The following RASSF8 variants were observed in gnomAD, a reference collection of about 807,000 sequenced individuals.
The protein encoded by RASSF8 is Ras association domain family member 8.
RASSF8 carries 22 observed loss-of-function variants against 48.5 expected under a neutral mutation model. That is an observed-to-expected ratio of 0.45 (90% CI 0.32 to 0.65). The LOEUF (loss-of-function observed/expected upper bound fraction) is 0.65, where lower values mean the gene tolerates loss of function less well. Ranked by LOEUF, RASSF8 falls within the 30% of genes least tolerant of loss-of-function variation. The pLI, the probability that RASSF8 is intolerant of heterozygous loss-of-function variation, is 0.03. For synonymous variants in RASSF8, 127 were observed against 171.5 expected, an observed-to-expected ratio of 0.74 and a Z score of 2.03; for missense variants, 418 against 489.2, an observed-to-expected ratio of 0.85 and a Z score of 1.37.
intron 1 of RASSF8, among the ~76,000 whole-genome samples, chr12:25,970,466 T>C (rs562804847): frequency 4.0e-4 from 61 of 152,332 alleles, no homozygotes; most frequent in Admixed American, 2.1e-3. Context: ...CCTGGACAGC[T>C]GAGGAAATTT....
intron 2 of RASSF8, among the ~76,000 whole-genome samples, chr12:26,052,126 G>A (rs7969796): frequency 2.6e-5 from 4 of 152,160 alleles, no homozygotes; most frequent in East Asian, 1.9e-4. Context: ...CACCCTGTGC[G>A]TATCCACAAA....
intron 2 of RASSF8, among the ~76,000 whole-genome samples, chr12:26,012,815 G>A (rs1431651672): frequency 6.6e-6 from 1 of 151,480 alleles, no homozygotes; most frequent in Non-Finnish European, 1.5e-5. Context: ...CATGTAGTTG[G>A]GACCACAGGC....
intron 1 of RASSF8, among the ~76,000 whole-genome samples, chr12:25,980,336 A>G (rs1941711018): frequency 6.6e-6 from 1 of 152,226 alleles, no homozygotes. Flanking sequence ...AATGCCATAT[A>G]TACAACAAAA....
intron 1 of RASSF8, among the ~76,000 whole-genome samples, chr12:25,969,722 C>G (rs1310423039): frequency 6.6e-6 from 1 of 152,110 alleles, no homozygotes; most frequent in Non-Finnish European, 1.5e-5. Context: ...TGTCTGCTCC[C>G]TCTTGAACAG....
chr12:26,073,849 C>CACACACACATAT (rs35014279), downstream of RASSF8, among the ~76,000 whole-genome samples: 1,412 of 144,156 alleles, frequency 9.8e-3, 31 homozygotes, highest in African/African-American at 0.03. Context: ...CACACACACA[C>CACACACACATAT]ATATATATAT....
At position 26,064,580 on chromosome 12, in the gene RASSF8, C is replaced by A. The variant is rs7303695; in HGVS notation, c.186C>A (p.Ser62=). 2.1e-3 allele frequency: 3,406 copies of A among 1,614,046 alleles called. 9 individuals carry two copies. Among genetic ancestry groups the A allele is most frequent in the Non-Finnish European group, 2.6e-3 (3,037 of 1,179,982 alleles). Residue 62 remains serine (S), a synonymous_variant, in exon 4 of 6, where the codon TCC becomes TCA. Transcript: ENST00000689635. ...CACCTCATGAAAATCCTATCATATC[C>A]TTAAACAAATGGGGGCAGTATGCTA... ...HLAPHENPII[S]LNKWGQYASD...
At chr12:26,029,791 A>G (rs1942990505) in intron 2 of RASSF8, among the ~76,000 whole-genome samples, 1 of 152,228 alleles carries the variant, frequency 6.6e-6, no homozygotes, top group Non-Finnish European at 1.5e-5. Context: ...GGAAAAAAAA[A>G]TCAATCTCAA....
chr12:26,010,790 G>C (rs557618435), intron 2 of RASSF8, among the ~76,000 whole-genome samples: 2 of 152,140 alleles, frequency 1.3e-5, no homozygotes, highest in East Asian at 3.9e-4. Flanking sequence ...CTGGGCCTTT[G>C]CACAACTGAG....
chr12:26,000,382 T>G (rs1942227390), intron 2 of RASSF8, among the ~76,000 whole-genome samples: 1 of 152,186 alleles, frequency 6.6e-6, no homozygotes, highest in Admixed American at 6.5e-5. Context: ...CTATGTGTAA[T>G]GATACTAAAA....
chr12:26,041,906 A>G (rs1348364515), intron 2 of RASSF8, among the ~76,000 whole-genome samples: 2 of 152,216 alleles, frequency 1.3e-5, no homozygotes, highest in African/African-American at 2.4e-5. Flanking sequence ...GGATAGCTCT[A>G]CAGAAATATG....
Position 26,072,384 on chromosome 12 carries a change from A to G in RASSF8, c.*3566A>G, listed in dbSNP as rs1369937444. The G allele has an allele frequency of 2.0e-6, 2 of 984,980 alleles. No individual in the cohort carries two copies. The highest frequency in any genetic ancestry group is 2.4e-6 in the Non-Finnish European group (2 of 829,616). The allele number at this position is 984,980 out of a possible 1,614,324, so 61.0% of individuals were successfully genotyped here. A position where few individuals can be genotyped will look rare whatever the true frequency, so the allele number is the denominator to read the frequency against. On this transcript the variant is annotated 3_prime_UTR_variant, in exon 6 of 6. Coordinates refer to ENST00000689635, the MANE Select transcript of RASSF8 (RefSeq NM_001394098.1). ...ATCTCCAGAATAAGCTTTCGATGCC[A>G]GGACAGTGACTGCCTGAAAGCTGCA...
intron 3 of RASSF8, among the ~76,000 whole-genome samples, chr12:26,063,819 A>G (rs1342950183): frequency 6.7e-6 from 1 of 149,610 alleles, no homozygotes; most frequent in African/African-American, 2.5e-5. Flanking sequence ...CCCTCTTTTT[A>G]TATGAATTTG....
intron 1 of RASSF8, among the ~76,000 whole-genome samples, chr12:25,992,092 G>A (rs1432586168): frequency 5.9e-5 from 9 of 152,160 alleles, no homozygotes. Flanking sequence ...TAGGTAAAAG[G>A]AATCATTTAG....
At chr12:25,982,876 T>C (rs1941776753) in intron 1 of RASSF8, among the ~76,000 whole-genome samples, 1 of 152,192 alleles carries the variant, frequency 6.6e-6, no homozygotes, top group Admixed American at 6.5e-5. Flanking sequence ...ATAATCAGCA[T>C]TCATGGAGGT....
chr12:25,977,743 T>TA (rs1212518846), intron 1 of RASSF8, among the ~76,000 whole-genome samples: 1 of 152,162 alleles, frequency 6.6e-6, no homozygotes, highest in African/African-American at 2.4e-5. Flanking sequence ...GTTGGCCTTT[T>TA]AAAAATTACC....
chr12:25,977,231 A>T (rs1941626983), intron 1 of RASSF8, among the ~76,000 whole-genome samples: 1 of 152,204 alleles, frequency 6.6e-6, no homozygotes, highest in African/African-American at 2.4e-5. Flanking sequence ...ATTCTGACTT[A>T]TTACCAGTGA....
chr12:26,042,430 C>T (rs899599035), intron 2 of RASSF8, among the ~76,000 whole-genome samples: 1 of 152,140 alleles, frequency 6.6e-6, no homozygotes, highest in Non-Finnish European at 1.5e-5. Context: ...TGAATTCCTT[C>T]GTTTTGGTTT....
chr12:26,073,965 G>T (rs191947030), downstream of RASSF8, among the ~76,000 whole-genome samples: 1,148 of 150,884 alleles, frequency 7.6e-3, 9 homozygotes, highest in African/African-American at 0.025. Context: ...TATATAGAGA[G>T]AGAGAGAGAG....
At chr12:25,970,455 T>C (rs1226296147) in intron 1 of RASSF8, among the ~76,000 whole-genome samples, 1 of 152,210 alleles carries the variant, frequency 6.6e-6, no homozygotes, top group East Asian at 1.9e-4. Flanking sequence ...TGATTTTACC[T>C]CCTGGACAGC....
Sources: allele counts gnomAD v4.1 joint callset (sites outside exome capture counted in the v4.1 genomes callset), GRCh38; gene constraint gnomAD v4.1.1; transcripts MANE v1.5; gene names NCBI Gene and HGNC (gene_info 2026-07-23, HGNC 2026-07-21).